EPPK1: variants seen among roughly 807,000 people sequenced by gnomAD.
EPPK1 encodes epiplakin 1.
For synonymous variants in EPPK1, 1,862 were observed against 1,721.2 expected, an observed-to-expected ratio of 1.08 and a Z score of -2.03; for missense variants, 3,823 against 3,673.3, an observed-to-expected ratio of 1.04 and a Z score of -1.05.
In EPPK1 at chr8:143,858,062, C is replaced by A. The variant is rs781913573; in HGVS notation, c.15192G>T (p.Thr5064=). 5.0e-6 allele frequency: 8 copies of A among 1,613,262 alleles called. No individual in the cohort carries two copies. The Admixed American group carries it at 5.0e-5, about 10-fold the overall frequency. The change falls in exon 2 of 2, where the codon ACG becomes ACT. Residue 5064 remains threonine, a synonymous_variant. Transcript: ENST00000615648. The part of the protein sequence containing the change: ...FFDPNTHENL[T]YLQLLQRATL... ...TGGCCCTCTGCAGAAGCTGCAGGTACGTGAGGTTCTCGTGCGTGTTGGGGT... is the reference window on the plus strand; with the variant it reads ...TGGCCCTCTGCAGAAGCTGCAGGTAAGTGAGGTTCTCGTGCGTGTTGGGGT...
In EPPK1 at chr8:143,870,209, G is replaced by A; in HGVS notation, c.3045C>T (p.Phe1015=). The A allele has an allele frequency of 6.2e-7, 1 of 1,609,910 alleles. No homozygotes were observed. ...EGAIAGFRDP[F]SGKQVSVFQA... is the part of the protein sequence containing the mutation. ...GGAACACAGACACCTGCTTCCCAGA[G>A]AAGGGGTCTCTGAAGCCAGCAATGG... The change falls in exon 2 of 2, where the codon TTC becomes TTT. Residue 1015 remains phenylalanine (F), a synonymous_variant. Transcript: ENST00000615648. The surrounding 1 kb of genome is among the most constrained non-coding windows in gnomAD (Gnocchi z 5.2).
chr8:143,868,483 G>T lies in EPPK1; in HGVS notation c.4771C>A (p.Leu1591Met). The change falls in exon 2 of 2, where the codon CTG becomes ATG. Residue 1591 changes from leucine (L) to methionine (M), a missense_variant. Physicochemically the swap from Leu to Met is conservative, Grantham distance 15 (BLOSUM62 2). Coordinates refer to ENST00000615648, the MANE Select transcript of EPPK1 (RefSeq NM_031308.4). ...CCAGGCCGCAGGATGTGCCTCCTCA[G>T]GGCCTCTGGGATGCTCATCCTCTCC... ...TQERMSIPEA[L>M]RRHILRPGTA... is the part of the protein sequence containing the mutation. 1 of 1,611,814 alleles carries T rather than the reference G, an allele frequency of 6.2e-7. No individual in the cohort carries two copies. The highest frequency in any genetic ancestry group is 8.5e-7 in the Non-Finnish European group (1 of 1,179,554).
intron 1 of EPPK1, among the ~76,000 whole-genome samples, chr8:143,875,036 C>T: frequency 6.6e-6 from 1 of 152,200 alleles, no homozygotes; most frequent in East Asian, 1.9e-4. Context: ...CCCATTAACT[C>T]TGAGACCTCC....
At chr8:143,876,615 T>C (rs1038678854) in intron 1 of EPPK1, among the ~76,000 whole-genome samples, 7 of 152,242 alleles carry the variant, frequency 4.6e-5, no homozygotes, top group Non-Finnish European at 1.0e-4. Flanking sequence ...GAACCCAGCC[T>C]GGGCGCTTTT....
rs782539453 is a variant in EPPK1, at chr8:143,857,975, G to A, written c.*12C>T. On this transcript the variant is annotated 3_prime_UTR_variant, in exon 2 of 2. Transcript: ENST00000615648. ...CTCCAGAGTTGCAGAAAACTGCACGGAGGAAGCCCAGTCACTGTAGAGAGA... is the reference window on the plus strand; with the variant it reads ...CTCCAGAGTTGCAGAAAACTGCACGAAGGAAGCCCAGTCACTGTAGAGAGA... 3.6e-5 allele frequency: 56 copies of A among 1,558,658 alleles called. 1 individual carries two copies. In the South Asian group the frequency reaches 5.9e-4, roughly 17 times the overall value.
In EPPK1 at chr8:143,869,926, G is replaced by C. The variant is rs782068808; in HGVS notation, c.3328C>G (p.Leu1110Val). 4 of 1,609,088 alleles carry C rather than the reference G, an allele frequency of 2.5e-6. No homozygotes were observed. The East Asian group carries it at 8.9e-5, about 36-fold the overall frequency. ...CTTTCTGGCAGGGGCAGGAGGTGAA[G>C]GCCAGAAGTCTCATCCCTGGGGCAC... ...EECPRDETSG[L>V]HLLPLPESAP... Residue 1110 changes from leucine to valine, a missense_variant, in exon 2 of 2, where the codon CTT (leucine) becomes GTT (valine). Transcript: ENST00000615648.
At position 143,866,654 on chromosome 8, in the gene EPPK1, C is replaced by T. The variant is rs782517646; in HGVS notation, c.6600G>A (p.Leu2200=). ...AIITEEMLQD[L]ETGRSTTQEL... ...CTTGCGTCGTGCTCCGTCCCGTTTCCAGGTCCTGGAGCATTTCCTCCGTGA... is the reference window on the plus strand; with the variant it reads ...CTTGCGTCGTGCTCCGTCCCGTTTCTAGGTCCTGGAGCATTTCCTCCGTGA... Residue 2200 remains leucine, a synonymous_variant, in exon 2 of 2, where the codon CTG becomes CTA. Transcript: ENST00000615648. 5.0e-6 allele frequency: 8 copies of T among 1,613,090 alleles called. No individual in the cohort carries two copies. Among genetic ancestry groups the T allele is most frequent in the South Asian group, 2.2e-5 (2 of 91,086 alleles).
Position 143,857,927 on chromosome 8 carries a change from G to T in EPPK1, c.*60C>A, listed in dbSNP as rs1554657847. 55 of 630,702 alleles carry T rather than the reference G, an allele frequency of 8.7e-5. No individual in the cohort carries two copies. The highest frequency in any genetic ancestry group is 1.2e-4 in the Non-Finnish European group (51 of 415,178). 39.1% of individuals were successfully genotyped at this position (630,702 alleles called of 1,614,324 possible). ...AAAAAAAAAAAAAAAAAACAACCCA[G>T]ACACACAAGTATGCCTCCACTTCTC... is the stretch of plus-strand genomic sequence containing the variant. On this transcript the variant is annotated 3_prime_UTR_variant, in exon 2 of 2. Transcript: ENST00000615648.
Position 143,868,532 on chromosome 8 carries a change from G to C in EPPK1, c.4722C>G (p.Ala1574=), listed in dbSNP as rs144286038. ...KRSLEGGNFI[A]GVLIQGTQER... The stretch of plus-strand genomic sequence containing the variant: ...CCTGGGTGCCCTGGATAAGGACCCC[G>C]GCAATGAAGTTGCCTCCCTCCAGGG... The change falls in exon 2 of 2, where the codon GCC becomes GCG. Residue 1574 remains alanine, a synonymous_variant. Transcript: ENST00000615648. 1.6e-5 allele frequency: 25 copies of C among 1,606,116 alleles called. No homozygotes were observed. The African/African-American group carries it at 2.4e-4, about 15-fold the overall frequency.
rs1819000277 is a variant in EPPK1 at position 143,859,712 on chromosome 8, G to T, written c.13542C>A (p.Pro4514=). Residue 4514 remains proline (P), a synonymous_variant, in exon 2 of 2, where the codon CCC becomes CCA. Coordinates refer to ENST00000615648, the MANE Select transcript of EPPK1 (RefSeq NM_031308.4). ...CGAAGAAGCCCTTGGTGTCGTCGCTGGGGTGGGCCAGGACACGGTTCATCT... is the reference window on the plus strand; with the variant it reads ...CGAAGAAGCCCTTGGTGTCGTCGCTTGGGTGGGCCAGGACACGGTTCATCT... ...DEEMNRVLAH[P]SDDTKGFFDP... is the part of the protein sequence containing the mutation. 1 of 822,522 alleles carries T rather than the reference G, an allele frequency of 1.2e-6. No homozygotes were observed. Among genetic ancestry groups the T allele is most frequent in the Admixed American group, 3.0e-5 (1 of 33,284 alleles). 51.0% of individuals were successfully genotyped at this position (822,522 alleles called of 1,614,324 possible). A position where few individuals can be genotyped will look rare whatever the true frequency, so the allele number is the denominator to read the frequency against.
In EPPK1 at chr8:143,857,769, G is replaced by C. The variant is rs75779384; in HGVS notation, c.*218C>G. 1 of 474,450 alleles carries C rather than the reference G, an allele frequency of 2.1e-6. No individual in the cohort carries two copies. The allele number at this position is 474,450 out of a possible 1,614,324, so 29.4% of individuals were successfully genotyped here. ...AAGTAAAACCATATGACACATAGAC[G>C]ACCCAGAAAACACACCAAAAAACTT... On this transcript the variant is annotated 3_prime_UTR_variant, in exon 2 of 2. Coordinates refer to ENST00000615648, the MANE Select transcript of EPPK1 (RefSeq NM_031308.4).
Position 143,867,118 on chromosome 8 carries a change from C to A in EPPK1, c.6136G>T (p.Asp2046Tyr), listed in dbSNP as rs186320706. ...LHKDIYALIS[D>Y]QKHMRKRFVD... The stretch of plus-strand genomic sequence containing the variant: ...AACCGTTTCCTCATGTGCTTCTGGT[C>A]GGAAATGAGCGCATAGATGTCCTTG... The change falls in exon 2 of 2, where the codon GAC becomes TAC. Residue 2046 changes from aspartate (D) to tyrosine (Y), a missense_variant. Asp to Tyr is a radical substitution (Grantham distance 160, BLOSUM62 -3). Coordinates refer to ENST00000615648, the MANE Select transcript of EPPK1 (RefSeq NM_031308.4). 35 of 1,612,792 alleles carry A rather than the reference C, an allele frequency of 2.2e-5. No individual in the cohort carries two copies. The highest frequency in any genetic ancestry group is 2.9e-5 in the Non-Finnish European group (34 of 1,179,806).
In EPPK1 at chr8:143,866,320, C is replaced by G; in HGVS notation, c.6934G>C (p.Asp2312His). 1 of 541,354 alleles carries G rather than the reference C, an allele frequency of 1.8e-6. No homozygotes were observed. Among genetic ancestry groups the G allele is most frequent in the East Asian group, 3.0e-5 (1 of 33,684 alleles). 33.5% of individuals were successfully genotyped at this position (541,354 alleles called of 1,614,324 possible). A position where few individuals can be genotyped will look rare whatever the true frequency, so the allele number is the denominator to read the frequency against. The change falls in exon 2 of 2, where the codon GAC becomes CAC. Residue 2312 changes from aspartate to histidine, a missense_variant. By Grantham distance (81) the Asp-to-His change is moderately conservative. Coordinates refer to ENST00000615648, the MANE Select transcript of EPPK1 (RefSeq NM_031308.4). ...GAGATCTGCTGCCCGGTGTAGGGGT[C>G]GGTGTAGCCGGTGACGGCGCGCTCG... is the stretch of plus-strand genomic sequence containing the variant. ...SAERAVTGYT[D>H]PYTGQQISLF...
Position 143,866,194 on chromosome 8 carries a change from T to C in EPPK1, c.7060A>G (p.Ser2354Gly), listed in dbSNP as rs1206410800. 1.8e-4 allele frequency: 78 copies of C among 434,416 alleles called. No individual in the cohort carries two copies. The highest frequency in any genetic ancestry group is 2.5e-4 in the Non-Finnish European group (66 of 259,748). 26.9% of individuals were successfully genotyped at this position (434,416 alleles called of 1,614,324 possible). A position where few individuals can be genotyped will look rare whatever the true frequency, so the allele number is the denominator to read the frequency against. Residue 2354 changes from serine (S) to glycine (G), a missense_variant, in exon 2 of 2, where the codon AGC (serine) becomes GGC (glycine). By Grantham distance (56) the Ser-to-Gly change is moderately conservative. Coordinates refer to ENST00000615648, the MANE Select transcript of EPPK1 (RefSeq NM_031308.4). ...ATGGVIDPVH[S>G]HRVPVDVAYR... ...GCCACGTCCACGGGCACGCGGTGGCTGTGCACGGGGTCGATGACGCCGCCC... is the reference window on the plus strand; with the variant it reads ...GCCACGTCCACGGGCACGCGGTGGCCGTGCACGGGGTCGATGACGCCGCCC...
At position 143,865,482 on chromosome 8, in the gene EPPK1, G is replaced by A. The variant is rs1419439066; in HGVS notation, c.7772C>T (p.Ala2591Val). ...CCCTGGCTCCCGCGGGCCGCGCCAG[G>A]CGTCCTGGAGCTGCGGCCGGGCCCC... ...APGARPQLQDAWRGPREPGPA... is the reference protein window; with the variant it reads ...APGARPQLQDVWRGPREPGPA... The change falls in exon 2 of 2, where the codon GCC becomes GTC. Residue 2591 changes from alanine to valine, a missense_variant. Transcript: ENST00000615648. 2.5e-4 allele frequency: 44 copies of A among 174,954 alleles called. No individual in the cohort carries two copies. The allele number at this position is 174,954 out of a possible 1,614,324, so 10.8% of individuals were successfully genotyped here. A position where few individuals can be genotyped will look rare whatever the true frequency, so the allele number is the denominator to read the frequency against.
Position 143,871,522 on chromosome 8 carries a change from T to A in EPPK1, c.1732A>T (p.Ile578Phe). 4.3e-6 allele frequency: 7 copies of A among 1,610,228 alleles called. No individual in the cohort carries two copies. The highest frequency in any genetic ancestry group is 5.9e-6 in the Non-Finnish European group (7 of 1,178,972). ...TPGELLKAEI[I>F]DQDLYERLEH... ...AGCCGCTCGTACAGGTCCTGGTCGA[T>A]GATCTCGGCTTTCAGCAGCTCTCCT... is the stretch of plus-strand genomic sequence containing the variant. The change falls in exon 2 of 2, where the codon ATC (isoleucine) becomes TTC (phenylalanine). Residue 578 changes from isoleucine (I) to phenylalanine (F), a missense_variant. Ile to Phe is a conservative substitution (Grantham distance 21). Transcript: ENST00000615648.
rs2130641948 is a variant in EPPK1 at position 143,870,687 on chromosome 8, T to C, written c.2567A>G (p.Gln856Arg). ...RRRQLLRRYRQREVTLGQVAK... is the reference protein window; with the variant it reads ...RRRQLLRRYRRREVTLGQVAK... ...CACCTGCCCCAGCGTGACCTCGCGC[T>C]GCCGGTAGCGACGCAGCAGCTGCCT... Residue 856 changes from glutamine (Q) to arginine (R), a missense_variant, in exon 2 of 2, where the codon CAG (glutamine) becomes CGG (arginine). Transcript: ENST00000615648. This position sits in a 1 kb window ranked among gnomAD's most constrained non-coding sequence, Gnocchi z 5.2. 6.2e-7 allele frequency: 1 copy of C among 1,609,672 alleles called. No individual in the cohort carries two copies.
In EPPK1 at chr8:143,871,178, A is replaced by C. The variant is rs782713669; in HGVS notation, c.2076T>G (p.Thr692=). ...AGATCTGCTGCCCGGTGTAGGGGTC[A>C]GTGTAGCCAGTGACAGCGCGCTCAG... The part of the protein sequence containing the change: ...LSAERAVTGY[T]DPYTGQQISL... The change falls in exon 2 of 2, where the codon ACT becomes ACG. Residue 692 remains threonine, a synonymous_variant. Coordinates refer to ENST00000615648, the MANE Select transcript of EPPK1 (RefSeq NM_031308.4). 1 of 1,613,002 alleles carries C rather than the reference A, an allele frequency of 6.2e-7. No homozygotes were observed. The highest frequency in any genetic ancestry group is 8.5e-7 in the Non-Finnish European group (1 of 1,179,998).
In EPPK1 at chr8:143,878,436, ACCTG is replaced by A. The variant is rs1554662640; in HGVS notation, c.-48_-46+1del. On this transcript the variant is annotated splice_donor_variant and 5_prime_UTR_variant, in exon 1 of 2. Transcript: ENST00000615648. LOFTEE classifies it low-confidence loss of function (5UTR_SPLICE). ...CCGCCGCACCCGCCGCACCCGCCGC[ACCTG>A]CCCGCTCGCCGCTCGGTCCGCAGTG... is the stretch of plus-strand genomic sequence containing the variant. 1 of 130,484 alleles carries A rather than the reference ACCTG, an allele frequency of 7.7e-6. No homozygotes were observed. Among genetic ancestry groups the A allele is most frequent in the East Asian group, 2.1e-4 (1 of 4,832 alleles). 8.1% of individuals were successfully genotyped at this position (130,484 alleles called of 1,614,324 possible). A position where few individuals can be genotyped will look rare whatever the true frequency, so the allele number is the denominator to read the frequency against.
Sources: allele counts gnomAD v4.1 joint callset (sites outside exome capture counted in the v4.1 genomes callset), GRCh38; gene constraint gnomAD v4.1.1; non-coding constraint Gnocchi (gnomAD v3.1); transcripts MANE v1.5; gene names NCBI Gene and HGNC (gene_info 2026-07-23, HGNC 2026-07-21).